Variants in GPC6 observed in about 807,000 individuals in gnomAD.
GPC6 encodes glypican 6.
In GPC6, 14 loss-of-function variants were observed where a neutral mutation model predicts 55.2. The ratio of observed to expected loss-of-function variants is 0.25; its 90% CI spans 0.17 to 0.40. The LOEUF (loss-of-function observed/expected upper bound fraction) is 0.40, where lower values mean the gene tolerates loss of function less well. Ranked by LOEUF, GPC6 falls within the 10% of genes least tolerant of loss-of-function variation. The probability of loss-of-function intolerance (pLI) is 1.00; values close to 1 mark genes in which losing one functional copy is unlikely to be tolerated. For synonymous variants in GPC6, 278 were observed against 259.6 expected (o/e 1.07, Z -0.68); for missense variants, 641 against 708.5 (o/e 0.90, Z 1.08).
rs552068823 is a variant in GPC6, at chr13:93,781,048, C to T, written c.320-49106C>T. On this transcript the variant is annotated intron_variant, in intron 2 of 8. Transcript: ENST00000377047. ...ATCCCAGCACTTTGGGAGGCTGAGG[C>T]GGGTGGATCACAAGGTCCAGAGATC... Among the ~76,000 whole-genome samples the T allele has an allele frequency of 3.9e-5, 6 of 151,950 alleles. No individual in the cohort carries two copies. The East Asian group carries it at 5.8e-4, about 15-fold the overall frequency.
At chr13:93,674,890 G>A (rs1434214598) in intron 2 of GPC6, among the ~76,000 whole-genome samples, 2 of 152,174 alleles carry the variant, frequency 1.3e-5, no homozygotes, top group Non-Finnish European at 2.9e-5. Flanking sequence ...GAAAGACAGT[G>A]TAAGGGACTT....
chr13:93,686,794 A>G (rs1463879057), intron 2 of GPC6, among the ~76,000 whole-genome samples: 1 of 152,152 alleles, frequency 6.6e-6, no homozygotes, highest in Non-Finnish European at 1.5e-5. Flanking sequence ...ATACTTAAAA[A>G]TAAACAGTTT....
intron 1 of GPC6, among the ~76,000 whole-genome samples, chr13:93,408,515 G>A (rs1274054131): frequency 1.3e-5 from 2 of 152,142 alleles, no homozygotes; most frequent in African/African-American, 2.4e-5. Context: ...TATTGGATAG[G>A]TGCAATGAAA....
At chr13:93,425,767 A>G (rs1002149619) in intron 1 of GPC6, among the ~76,000 whole-genome samples, 4 of 152,164 alleles carry the variant, frequency 2.6e-5, no homozygotes, top group Non-Finnish European at 4.4e-5. Context: ...CAAACTTCAC[A>G]TAATATGGCT....
At chr13:94,320,317 T>C (rs1405042224) in intron 6 of GPC6, among the ~76,000 whole-genome samples, 1 of 152,178 alleles carries the variant, frequency 6.6e-6, no homozygotes, top group Non-Finnish European at 1.5e-5. Context: ...AAACATGTTA[T>C]TTTTTACTTT....
chr13:93,584,985 C>T (rs1378278810), intron 2 of GPC6, among the ~76,000 whole-genome samples: 3 of 152,058 alleles, frequency 2.0e-5, no homozygotes, highest in South Asian at 2.1e-4. Flanking sequence ...CCACTGTACC[C>T]GGCCACCTTA....
At chr13:93,811,589 A>ATTT (rs5805827) in intron 2 of GPC6, among the ~76,000 whole-genome samples, 1 of 148,886 alleles carries the variant, frequency 6.7e-6, no homozygotes. Context: ...TGTGGATCGG[A>ATTT]TTTTTTTTTT....
At chr13:93,851,264 A>G (rs1158060029) in intron 3 of GPC6, among the ~76,000 whole-genome samples, 1 of 151,938 alleles carries the variant, frequency 6.6e-6, no homozygotes, top group Non-Finnish European at 1.5e-5. Flanking sequence ...GTTTTTGTAT[A>G]TGATTCATAA....
intron 1 of GPC6, among the ~76,000 whole-genome samples, chr13:93,241,885 G>A (rs1177677432): frequency 6.6e-6 from 1 of 151,556 alleles, no homozygotes; most frequent in African/African-American, 2.4e-5. Flanking sequence ...TGATTCCCTA[G>A]CTTTGGGTCT....
intron 6 of GPC6, among the ~76,000 whole-genome samples, chr13:94,328,394 G>A (rs774830913): frequency 2.6e-5 from 4 of 152,212 alleles, no homozygotes; most frequent in African/African-American, 4.8e-5. Flanking sequence ...AAATGACTTC[G>A]TGGCTCCTAC....
At chr13:93,681,946 T>C (rs1431532600) in intron 2 of GPC6, among the ~76,000 whole-genome samples, 2 of 152,182 alleles carry the variant, frequency 1.3e-5, no homozygotes, top group Non-Finnish European at 2.9e-5. Context: ...TAACTTTTAG[T>C]ACCCTTTTTT....
chr13:93,257,404 T>C (rs1876992034), intron 1 of GPC6, among the ~76,000 whole-genome samples: 2 of 152,258 alleles, frequency 1.3e-5, no homozygotes, highest in Admixed American at 1.3e-4. Flanking sequence ...TTTCTCTCGT[T>C]ATAGCAAAAG....
chr13:94,333,747 T>G (rs1399342114), intron 6 of GPC6, among the ~76,000 whole-genome samples: 1 of 152,176 alleles, frequency 6.6e-6, no homozygotes, highest in Non-Finnish European at 1.5e-5. Context: ...AGAGGTAGGA[T>G]TCAAGTTCGG....
chr13:93,690,190 T>C (rs1450269407), intron 2 of GPC6, among the ~76,000 whole-genome samples: 1 of 152,128 alleles, frequency 6.6e-6, no homozygotes, highest in African/African-American at 2.4e-5. Context: ...GAGCTGGTAT[T>C]GGGTTAAGCT....
chr13:93,971,279 A>AT (rs1330988024), intron 3 of GPC6, among the ~76,000 whole-genome samples: 1 of 152,224 alleles, frequency 6.6e-6, no homozygotes, highest in African/African-American at 2.4e-5. Context: ...TATTGGTAAA[A>AT]TAACTAGAGA....
rs184397177 is a variant in GPC6 at position 93,302,399 on chromosome 13, A to G, written c.160+74783A>G. Reference sequence around the variant, plus strand: ...ACATCCTTCTCCAAAGGATTTCCACATGTAGTGGAATACATGTTTTAACCT... The same window carrying G: ...ACATCCTTCTCCAAAGGATTTCCACGTGTAGTGGAATACATGTTTTAACCT... On this transcript the variant is annotated intron_variant, in intron 1 of 8. Transcript: ENST00000377047. Among the ~76,000 whole-genome samples, 265 of 152,330 alleles carry G rather than the reference A, an allele frequency of 1.7e-3. 1 individual carries two copies. The highest frequency in any genetic ancestry group is 3.9e-3 in the African/African-American group (162 of 41,596).
chr13:94,253,667 G>C (rs1891423747), intron 4 of GPC6, among the ~76,000 whole-genome samples: 1 of 151,944 alleles, frequency 6.6e-6, no homozygotes. Context: ...TTATGTATCT[G>C]GAGAGTCATG....
chr13:93,715,971 A>C (rs932194521), intron 2 of GPC6, among the ~76,000 whole-genome samples: 1 of 151,554 alleles, frequency 6.6e-6, no homozygotes, highest in Non-Finnish European at 1.5e-5. Flanking sequence ...TCAGTCAATG[A>C]AGGACTGCAT....
intron 1 of GPC6, among the ~76,000 whole-genome samples, chr13:93,486,975 A>G (rs1006109767): frequency 6.6e-6 from 1 of 151,714 alleles, no homozygotes; most frequent in African/African-American, 2.4e-5. Flanking sequence ...ACCCCAAAAA[A>G]CACAAAAAAA....
Sources: allele counts gnomAD v4.1 joint callset (sites outside exome capture counted in the v4.1 genomes callset), GRCh38; gene constraint gnomAD v4.1.1; transcripts MANE v1.5; gene names NCBI Gene and HGNC (gene_info 2026-07-23, HGNC 2026-07-21).